Variants in TMEM185A observed in about 807,000 individuals in gnomAD.
The protein encoded by TMEM185A is family with sequence similarity 11, member A.
TMEM185A carries 9 observed loss-of-function variants against 25.0 expected under a neutral mutation model. The observed-to-expected ratio is 0.36, with a 90% CI of 0.22 to 0.63. The LOEUF (loss-of-function observed/expected upper bound fraction) is 0.63. Ranked by LOEUF, TMEM185A falls within the 20% of genes least tolerant of loss-of-function variation. TMEM185A has a pLI of 0.68. For missense variants in TMEM185A, 103 were observed against 237.4 expected, an observed-to-expected ratio of 0.43 and a Z score of 3.72; for synonymous variants, 45 against 93.5, an observed-to-expected ratio of 0.48 and a Z score of 2.99.
chrX:149,626,442 G>A (rs1432011112), intron 1 of TMEM185A, among the ~76,000 whole-genome samples: 1 of 112,482 alleles, frequency 8.9e-6, no homozygotes, highest in Non-Finnish European at 1.9e-5. Context: ...CATACCACAT[G>A]GACCTCTTCA....
At chrX:149,631,478 C>G (rs1557356620) in intron 1 of TMEM185A, 65 bp downstream of exon 1, 1 of 1,115,439 alleles carries the variant, frequency 9.0e-7, no homozygotes, top group Admixed American at 2.9e-5. Context: ...TCCCCGGAGC[C>G]GAACACCAGC....
intron 1 of TMEM185A, among the ~76,000 whole-genome samples, chrX:149,618,126 C>A (rs1258502417): frequency 1.8e-5 from 2 of 111,658 alleles, no homozygotes; most frequent in Admixed American, 1.9e-4. Context: ...CGGCTTTACA[C>A]TGATAAATGA....
rs782682569 is a variant in TMEM185A, at chrX:149,619,442, C to CT, written c.39-7980dup. Among the ~76,000 whole-genome samples the CT allele has an allele frequency of 4.0e-3, 443 of 109,939 alleles. 1 individual carries two copies. Among genetic ancestry groups the CT allele is most frequent in the African/African-American group, 0.014 (420 of 30,313 alleles). ...CTTGAAGTTTTGCTTCCTGCACTTT[C>CT]TTTTTTTGTGTGTGTGATAGAAGCA... is the stretch of plus-strand genomic sequence containing the variant. On this transcript the variant is annotated intron_variant, in intron 1 of 6. Transcript: ENST00000600449.
At chrX:149,630,530 ACGGATACTCCTTT>A (rs2090185706) in intron 1 of TMEM185A, among the ~76,000 whole-genome samples, 1 of 112,056 alleles carries the variant, frequency 8.9e-6, no homozygotes, top group Admixed American at 9.4e-5. Context: ...AATAAGGGAA[ACGGATACTCCTTT>A]CGGAGAGTAG....
rs1272695942 is a variant in TMEM185A, at chrX:149,609,084, A to G, written c.216-250T>C. On this transcript the variant is annotated intron_variant, in intron 2 of 6. Coordinates refer to ENST00000600449, the MANE Select transcript of TMEM185A (RefSeq NM_032508.4). ...AACCAGAATTTAATGTTTTAACCGT[A>G]TAAGGATATTCTCAAAAGTAATAGC... Among the ~76,000 whole-genome samples, 17 of 112,696 alleles carry G rather than the reference A, an allele frequency of 1.5e-4. 1 individual carries two copies. The Admixed American group carries it at 1.6e-3, about 11-fold the overall frequency.
At chrX:149,621,508 T>C (rs1326344837) in intron 1 of TMEM185A, among the ~76,000 whole-genome samples, 1 of 112,031 alleles carries the variant, frequency 8.9e-6, no homozygotes, top group Non-Finnish European at 1.9e-5. Flanking sequence ...ATGAGCTGAA[T>C]GTTCTCTTAT....
At chrX:149,617,511 CA>C (rs1165447284) in intron 1 of TMEM185A, among the ~76,000 whole-genome samples, 2 of 111,415 alleles carry the variant, frequency 1.8e-5, no homozygotes, top group Admixed American at 1.9e-4. Context: ...GATGTTAGGA[CA>C]ATGCAAACTA....
At chrX:149,624,548 T>C (rs997363225) in intron 1 of TMEM185A, among the ~76,000 whole-genome samples, 2 of 111,630 alleles carry the variant, frequency 1.8e-5, no homozygotes, top group South Asian at 7.6e-4. Context: ...CATGCCTGCA[T>C]GCACGTACAC....
chrX:149,631,225 G>A (rs895876198), intron 1 of TMEM185A, among the ~76,000 whole-genome samples: 1 of 109,427 alleles, frequency 9.1e-6, no homozygotes. Context: ...GAACCGAGAC[G>A]AAGAAGTTGG....
At chrX:149,613,890 A>G (rs1399398950) in intron 1 of TMEM185A, among the ~76,000 whole-genome samples, 1 of 112,315 alleles carries the variant, frequency 8.9e-6, no homozygotes, top group Non-Finnish European at 1.9e-5. Context: ...TAAAGGGGTC[A>G]ATTTGTCATA....
chrX:149,598,670 C>T (rs1259371943), intron 6 of TMEM185A, among the ~76,000 whole-genome samples: 2 of 57,756 alleles, frequency 3.5e-5, no homozygotes, highest in Non-Finnish European at 2.7e-5. Context: ...CGGTGTCTTC[C>T]GCTAATCTTC....
chrX:149,603,715 T>C, intron 4 of TMEM185A: 1 of 240,889 alleles, frequency 4.2e-6, no homozygotes, highest in Non-Finnish European at 7.3e-6. Context: ...GTCATGTTTA[T>C]AAAGACCTTT....
intron 1 of TMEM185A, among the ~76,000 whole-genome samples, chrX:149,627,102 G>C (rs782009573): frequency 9.0e-6 from 1 of 111,509 alleles, no homozygotes; most frequent in African/African-American, 3.3e-5. Flanking sequence ...GTGTCGGGCT[G>C]GGGGGTGGTA....
At chrX:149,625,444 T>C (rs1312452065) in intron 1 of TMEM185A, among the ~76,000 whole-genome samples, 1 of 112,730 alleles carries the variant, frequency 8.9e-6, no homozygotes, top group Non-Finnish European at 1.9e-5. Flanking sequence ...TCAAATGAGA[T>C]TTCTCTCCTT....
chrX:149,630,588 T>C (rs2090186054), intron 1 of TMEM185A, among the ~76,000 whole-genome samples: 1 of 111,914 alleles, frequency 8.9e-6, no homozygotes, highest in Non-Finnish European at 1.9e-5. Context: ...AACTCCTCAT[T>C]TTACAGAAGG....
At chrX:149,608,343 T>C (rs897081179) in intron 3 of TMEM185A, 3 of 194,800 alleles carry the variant, frequency 1.5e-5, no homozygotes, top group Admixed American at 1.4e-4. Context: ...CTTTTTTTTT[T>C]TTTTTAAGAC....
chrX:149,623,909 T>TA (rs1358851322), intron 1 of TMEM185A, among the ~76,000 whole-genome samples: 5 of 112,461 alleles, frequency 4.4e-5, no homozygotes, highest in Admixed American at 1.9e-4. Context: ...AAGCAAAGTC[T>TA]AAAAGGTGAC....
At chrX:149,612,603 A>C (rs1310289725) in intron 1 of TMEM185A, among the ~76,000 whole-genome samples, 1 of 112,666 alleles carries the variant, frequency 8.9e-6, no homozygotes, top group African/African-American at 3.2e-5. Context: ...CAAACTTAGC[A>C]GCTTAAAACA....
intron 3 of TMEM185A, chrX:149,606,606 C>T (rs1450811402): frequency 8.9e-6 from 1 of 112,318 alleles, no homozygotes; most frequent in Admixed American, 9.4e-5. Flanking sequence ...TGGAGTGTTT[C>T]CTGCCTCTAG....
Sources: gnomAD v4.1 joint callset for allele counts (sites outside exome capture counted in the v4.1 genomes callset) on GRCh38, gnomAD v4.1.1 for gene constraint, MANE v1.5 for transcripts, NCBI Gene and HGNC (gene_info 2026-07-23, HGNC 2026-07-21) for gene names.